DMD: variants seen among roughly 807,000 people sequenced by gnomAD.
DMD encodes mutant dystrophin.
DMD carries 63 observed loss-of-function variants against 330.1 expected under a neutral mutation model. That is an observed-to-expected ratio of 0.19 (90% confidence interval 0.16 to 0.24). DMD has a LOEUF of 0.24. Ranked by LOEUF, DMD falls within the 10% of genes least tolerant of loss-of-function variation. DMD has a pLI of 1.00. For synonymous variants in DMD, 1,223 were observed against 959.8 expected, an observed-to-expected ratio of 1.27 and a Z score of -5.07; for missense variants, 3,344 against 2,684.1, an observed-to-expected ratio of 1.25 and a Z score of -5.43.
chrX:32,232,397 A>G (rs2097172171), intron 43 of DMD, among the ~76,000 whole-genome samples: 1 of 111,313 alleles, frequency 9.0e-6, no homozygotes, highest in Non-Finnish European at 1.9e-5. Context: ...ATCTACTGAC[A>G]CCATAAACAT....
At chrX:31,571,651 T>C (rs1330361173) in intron 55 of DMD, among the ~76,000 whole-genome samples, 2 of 111,260 alleles carry the variant, frequency 1.8e-5, no homozygotes, top group Admixed American at 1.9e-4. Flanking sequence ...CGCAGAGAAT[T>C]CACATCACAG....
intron 2 of DMD, among the ~76,000 whole-genome samples, chrX:32,883,434 A>AT (rs2084157226): frequency 9.0e-6 from 1 of 110,971 alleles, no homozygotes; most frequent in Admixed American, 9.6e-5. Context: ...CTACCCCAAT[A>AT]TTTTTTCCCT....
At chrX:31,831,840 G>C (rs766440210) in intron 49 of DMD, among the ~76,000 whole-genome samples, 24 of 112,442 alleles carry the variant, frequency 2.1e-4, no homozygotes, top group Non-Finnish European at 3.8e-4. Context: ...CTGACTTTGT[G>C]ATCCGCCCAC....
intron 61 of DMD, among the ~76,000 whole-genome samples, chrX:31,325,193 C>A (rs2056691383): frequency 9.0e-6 from 1 of 111,280 alleles, no homozygotes; most frequent in African/African-American, 3.3e-5. Flanking sequence ...GCTTCCCTTT[C>A]CATCTTTGCC....
At chrX:32,860,005 T>C (rs1176535721) in intron 2 of DMD, among the ~76,000 whole-genome samples, 3 of 111,777 alleles carry the variant, frequency 2.7e-5, no homozygotes, top group African/African-American at 9.8e-5. Context: ...CTCAGTTTAA[T>C]GTATCTGCAT....
At chrX:33,272,030 C>A (rs1223616559) in intron 1 of DMD, among the ~76,000 whole-genome samples, 1 of 109,505 alleles carries the variant, frequency 9.1e-6, no homozygotes, top group African/African-American at 3.3e-5. Flanking sequence ...ATTACAGGTG[C>A]CCACCACCAC....
At chrX:32,714,251 T>C (rs2065463291) in intron 7 of DMD, among the ~76,000 whole-genome samples, 1 of 111,434 alleles carries the variant, frequency 9.0e-6, no homozygotes, top group Non-Finnish European at 1.9e-5. Context: ...AAGTCTCGGC[T>C]TTTAGTGTAC....
chrX:31,250,128 C>G lies in DMD; in HGVS notation c.9286+10827G>C, dbSNP rs1379644792. On this transcript the variant is annotated intron_variant, in intron 63 of 78. Coordinates refer to ENST00000357033, the MANE Select transcript of DMD (RefSeq NM_004006.3). ...TCATAAAGTGACAATAGGAAAGTCA[C>G]AGTATAATCAATTAGTTCCCCCACT... 1.8e-5 allele frequency among the ~76,000 whole-genome samples: 2 copies of G among 111,448 alleles called. No homozygotes were observed. Among genetic ancestry groups the G allele is most frequent in the Admixed American group, 1.9e-4 (2 of 10,496 alleles).
At chrX:32,489,391 G>A (rs1434021088) in intron 20 of DMD, among the ~76,000 whole-genome samples, 2 of 110,669 alleles carry the variant, frequency 1.8e-5, no homozygotes, top group Non-Finnish European at 3.8e-5. Flanking sequence ...TTTATAAAAG[G>A]AGGCAGAGAT....
chrX:31,341,798 A>G (rs1417352514), intron 61 of DMD, among the ~76,000 whole-genome samples: 1 of 110,759 alleles, frequency 9.0e-6, no homozygotes, highest in African/African-American at 3.3e-5. Context: ...AAGGGCTCGA[A>G]TGATTCAATG....
At chrX:31,149,439 C>T (rs1422936280) in intron 74 of DMD, among the ~76,000 whole-genome samples, 1 of 111,978 alleles carries the variant, frequency 8.9e-6, no homozygotes, top group African/African-American at 3.2e-5. Context: ...CCCCTTTGAT[C>T]TTCTCCATGA....
intron 7 of DMD, among the ~76,000 whole-genome samples, chrX:32,734,876 A>C (rs2068224070): frequency 9.7e-6 from 1 of 102,973 alleles, no homozygotes; most frequent in Admixed American, 1.0e-4. Context: ...GCCCTCTCTC[A>C]CCACTCCTAT....
At chrX:32,707,824 G>T (rs771632874) in intron 7 of DMD, among the ~76,000 whole-genome samples, 1 of 111,878 alleles carries the variant, frequency 8.9e-6, no homozygotes, top group South Asian at 3.8e-4. Context: ...AAAAACATCT[G>T]TACTTTCTTA....
At position 32,280,165 on chromosome X, in the gene DMD, G is replaced by A. The variant is rs397261; in HGVS notation, c.6290+7364C>T. On this transcript the variant is annotated intron_variant, in intron 43 of 78. Coordinates refer to ENST00000357033, the MANE Select transcript of DMD (RefSeq NM_004006.3). Reference sequence around the variant, plus strand: ...TACAGTATATATATATATATATACAGTATATATATATATATATATATACAC... The same window carrying A: ...TACAGTATATATATATATATATACAATATATATATATATATATATATACAC... 1.1e-3 allele frequency among the ~76,000 whole-genome samples: 24 copies of A among 22,171 alleles called. No individual in the cohort carries two copies. In the East Asian group the frequency reaches 0.02, roughly 19 times the overall value. 19.3% of individuals were successfully genotyped at this position (22,171 alleles called of 115,157 possible).
chrX:31,667,976 G>A (rs952121825), intron 53 of DMD, among the ~76,000 whole-genome samples: 3 of 111,661 alleles, frequency 2.7e-5, no homozygotes, highest in Non-Finnish European at 3.8e-5. Context: ...TGGGTAAAAA[G>A]TACTATCTCC....
intron 9 of DMD, among the ~76,000 whole-genome samples, chrX:32,654,427 G>T (rs1199785311): frequency 9.0e-6 from 1 of 111,525 alleles, no homozygotes; most frequent in African/African-American, 3.3e-5. Context: ...TCTATCTTTG[G>T]TTCTGTTTAT....
chrX:31,434,416 GCGCACACACACACACACACA>G (rs2149023638), intron 60 of DMD, among the ~76,000 whole-genome samples: 1 of 66,376 alleles, frequency 1.5e-5, no homozygotes, highest in East Asian at 6.3e-4. Context: ...TGCAGCGCGC[GCGCACACACACACACACACA>G]CACACACACA....
At chrX:32,924,958 G>C (rs145360055) in intron 2 of DMD, among the ~76,000 whole-genome samples, 2,932 of 110,271 alleles carry the variant, frequency 0.027, 48 homozygotes, top group East Asian at 0.09. Flanking sequence ...AAAATATTAA[G>C]ATGGAATATT....
At chrX:31,441,605 C>CTTTA (rs899469923) in intron 60 of DMD, among the ~76,000 whole-genome samples, 1 of 101,382 alleles carries the variant, frequency 9.9e-6, no homozygotes, top group African/African-American at 4.1e-5. Flanking sequence ...TGACTAAATT[C>CTTTA]TTTATTTTCA....
Sources: gnomAD v4.1 joint callset for allele counts (sites outside exome capture counted in the v4.1 genomes callset) on GRCh38, gnomAD v4.1.1 for gene constraint, MANE v1.5 for transcripts, NCBI Gene and HGNC (gene_info 2026-07-23, HGNC 2026-07-21) for gene names.